ODF2L: variants seen among roughly 807,000 people sequenced by gnomAD.
ODF2L encodes protein BCAP.
A neutral mutation model predicts 86.3 loss-of-function variants in ODF2L; 76 were observed. The observed-to-expected ratio is 0.88, with a 90% CI of 0.73 to 1.07. The LOEUF (loss-of-function observed/expected upper bound fraction) is 1.07. Ranked by LOEUF, ODF2L falls within the 50% of genes least tolerant of loss-of-function variation. The probability of loss-of-function intolerance (pLI) is 0.00; values close to 1 mark genes in which losing one functional copy is unlikely to be tolerated. For missense variants in ODF2L, 748 were observed against 717.4 expected, an observed-to-expected ratio of 1.04 and a Z score of -0.49; for synonymous variants, 241 against 231.3, an observed-to-expected ratio of 1.04 and a Z score of -0.38.
Position 86,356,607 on chromosome 1 carries a change from G to C in ODF2L, c.1360-5C>G. The stretch of plus-strand genomic sequence containing the variant: ...AGACTCCATCTGGCCTCTCATCTGA[G>C]TTGTGGCAGTAGGGAAATAAGTGCA... On this transcript the variant is annotated splice_polypyrimidine_tract_variant and splice_region_variant and intron_variant, in intron 13 of 17. Coordinates refer to ENST00000317336, the Ensembl canonical transcript of ODF2L. 1.2e-6 allele frequency: 2 copies of C among 1,610,314 alleles called. No homozygotes were observed. The highest frequency in any genetic ancestry group is 1.7e-6 in the Non-Finnish European group (2 of 1,177,788).
intron 4 of ODF2L, among the ~76,000 whole-genome samples, chr1:86,383,746 C>T (rs1435969745): frequency 1.3e-5 from 2 of 151,670 alleles, no homozygotes; most frequent in Non-Finnish European, 3.0e-5. Context: ...AAATTGTACA[C>T]GGAATTTCAG....
At chr1:86,364,983 G>C (rs1041719001) in intron 11 of ODF2L, among the ~76,000 whole-genome samples, 3 of 152,058 alleles carry the variant, frequency 2.0e-5, no homozygotes, top group African/African-American at 7.2e-5. Context: ...TTTGTTTTCT[G>C]GAATTTTCCA....
chr1:86,350,286 A>G (rs546166453), exon 18 of ODF2L: 1 of 152,130 alleles, frequency 6.6e-6, no homozygotes, highest in African/African-American at 2.4e-5. Context: ...CTGGTGTGTG[A>G]TGTTCCCTGC....
intron 11 of ODF2L, among the ~76,000 whole-genome samples, chr1:86,362,192 G>C (rs1200981320): frequency 6.6e-6 from 1 of 151,858 alleles, no homozygotes; most frequent in African/African-American, 2.4e-5. Context: ...AAAATGAGAT[G>C]GTATAATGCC....
chr1:86,356,840 G>A (rs971197188), intron 13 of ODF2L, among the ~76,000 whole-genome samples: 9 of 152,132 alleles, frequency 5.9e-5, no homozygotes, highest in African/African-American at 2.2e-4. Flanking sequence ...TTAGCTGACA[G>A]GGTGGATGTT....
chr1:86,354,432 C>G, intron 16 of ODF2L, 98 bp downstream of exon 15: 1 of 754,072 alleles, frequency 1.3e-6, no homozygotes, highest in Non-Finnish European at 2.2e-6. Flanking sequence ...TTCACCCTGT[C>G]ATCAGGACAA....
intron 1 of ODF2L, among the ~76,000 whole-genome samples, chr1:86,394,569 G>A (rs10873777): frequency 0.68 from 102,674 of 152,040 alleles, 34,864 homozygotes; most frequent in Non-Finnish European, 0.72. Context: ...GGAAATGAGT[G>A]ATGAATGAGC....
At chr1:86,385,619 A>T (rs775976093) in intron 2 of ODF2L, 29 bp from the exon 3 acceptor site, 1 of 1,582,128 alleles carries the variant, frequency 6.3e-7, no homozygotes, top group East Asian at 2.2e-5. Flanking sequence ...ACAAAATTTA[A>T]GTTAAATCCA....
chr1:86,395,070 C>T (rs1027441070), intron 1 of ODF2L, among the ~76,000 whole-genome samples: 6 of 152,152 alleles, frequency 3.9e-5, no homozygotes, highest in African/African-American at 1.2e-4. Flanking sequence ...GTCTCGATCT[C>T]CTAACCTCGT....
At chr1:86,352,781 C>T (rs1658237867) in intron 17 of ODF2L, 78 bp downstream of exon 16, 1 of 820,730 alleles carries the variant, frequency 1.2e-6, no homozygotes, top group Non-Finnish European at 1.9e-6. Flanking sequence ...AGACTTGATT[C>T]ACTCACTTTG....
At chr1:86,383,765 T>C (rs1421353847) in intron 4 of ODF2L, among the ~76,000 whole-genome samples, 1 of 151,772 alleles carries the variant, frequency 6.6e-6, no homozygotes, top group East Asian at 1.9e-4. Context: ...AGAGGGTACA[T>C]GGATTTCATA....
intron 9 of ODF2L, among the ~76,000 whole-genome samples, chr1:86,372,222 A>G (rs1659842181): frequency 6.6e-6 from 1 of 151,984 alleles, no homozygotes; most frequent in Non-Finnish European, 1.5e-5. Flanking sequence ...GTGAACACCA[A>G]TTCACTTTTA....
chr1:86,386,679 C>A (rs113524619), intron 2 of ODF2L: 4,644 of 392,180 alleles, frequency 0.012, 40 homozygotes, highest in South Asian at 0.021. Flanking sequence ...TGATCCATTG[C>A]GCCCGGCCAG....
intron 1 of ODF2L, among the ~76,000 whole-genome samples, chr1:86,394,840 CTTTTT>C (rs33996151): frequency 7.7e-6 from 1 of 129,294 alleles, no homozygotes; most frequent in Non-Finnish European, 1.6e-5. Context: ...TTTCTTTTTC[CTTTTT>C]TTTTTTTTTT....
chr1:86,371,963 G>A (rs957531902), intron 9 of ODF2L, among the ~76,000 whole-genome samples: 6 of 152,132 alleles, frequency 3.9e-5, no homozygotes, highest in Middle Eastern at 3.4e-3. Flanking sequence ...CGAGGCAGGC[G>A]GATCACAAGG....
At chr1:86,394,646 T>C (rs1280943737) in intron 1 of ODF2L, among the ~76,000 whole-genome samples, 2 of 152,112 alleles carry the variant, frequency 1.3e-5, no homozygotes, top group Non-Finnish European at 2.9e-5. Context: ...CTAAATTCCA[T>C]TGTTCTAAAG....
chr1:86,367,453 C>A (rs935576197), intron 11 of ODF2L, among the ~76,000 whole-genome samples: 6 of 151,416 alleles, frequency 4.0e-5, no homozygotes, highest in African/African-American at 1.5e-4. Context: ...AGAGACCAAC[C>A]CATTCAGATT....
intron 1 of ODF2L, among the ~76,000 whole-genome samples, chr1:86,391,605 G>GT (rs1473439560): frequency 6.6e-6 from 1 of 152,124 alleles, no homozygotes; most frequent in African/African-American, 2.4e-5. Flanking sequence ...AATGGTGCTG[G>GT]GATAATTGGC....
chr1:86,354,560 C>T (rs1369643365), exon 16 of ODF2L: 2 of 1,605,692 alleles, frequency 1.2e-6, no homozygotes, highest in Non-Finnish European at 1.7e-6. Flanking sequence ...AAGCAGCTTC[C>T]AGTTGTCTGG....
Sources: allele counts gnomAD v4.1 joint callset (sites outside exome capture counted in the v4.1 genomes callset), GRCh38; gene constraint gnomAD v4.1.1; transcripts MANE v1.5; gene names NCBI Gene and HGNC (gene_info 2026-07-23, HGNC 2026-07-21).